RP1L1: variants seen among roughly 807,000 people sequenced by gnomAD.
The protein encoded by RP1L1 is RP1 like 1, also known as retinitis pigmentosa 1-like 1 protein.
A neutral mutation model predicts 15.7 loss-of-function variants in RP1L1; 27 were observed. The observed-to-expected ratio is 1.72, with a 90% CI of 1.27 to 2.38. RP1L1 has a LOEUF of 2.38. Ranked by LOEUF, RP1L1 falls within the 30% of genes most tolerant of loss-of-function variation. RP1L1 has a pLI of 0.00. For synonymous variants in RP1L1, 1,813 were observed against 1,276.7 expected, an observed-to-expected ratio of 1.42 and a Z score of -8.96; for missense variants, 4,798 against 3,075.9, an observed-to-expected ratio of 1.56 and a Z score of -13.24.
rs546877895 is a variant in RP1L1, at chr8:10,641,451, C to T, written c.-20+13447G>A. ...CATTTGTCACAGCAGCATAACCTTGCCTATCCACACAAATGCACACACAAA... is the reference window on the plus strand; with the variant it reads ...CATTTGTCACAGCAGCATAACCTTGTCTATCCACACAAATGCACACACAAA... On this transcript the variant is annotated intron_variant, in intron 1 of 3. Coordinates refer to ENST00000382483, the MANE Select transcript of RP1L1 (RefSeq NM_178857.6). 1.8e-4 allele frequency among the ~76,000 whole-genome samples: 27 copies of T among 152,302 alleles called. No individual in the cohort carries two copies. In the East Asian group the frequency reaches 1.9e-3, roughly 11 times the overall value.
intron 1 of RP1L1, among the ~76,000 whole-genome samples, chr8:10,643,706 G>C (rs1025062787): frequency 3.3e-5 from 5 of 152,096 alleles, no homozygotes; most frequent in African/African-American, 1.2e-4. Flanking sequence ...CCAGGAAAGA[G>C]AAGATCCTGG....
In RP1L1 at chr8:10,608,584, C is replaced by T. The variant is rs751359525; in HGVS notation, c.5514G>A (p.Pro1838=). 63 of 1,614,026 alleles carry T rather than the reference C, an allele frequency of 3.9e-5. 1 individual carries two copies. Among genetic ancestry groups the T allele is most frequent in the South Asian group, 3.8e-4 (35 of 91,068 alleles). The change falls in exon 4 of 4, where the codon CCG becomes CCA. Residue 1838 remains proline, a synonymous_variant. Coordinates refer to ENST00000382483, the MANE Select transcript of RP1L1 (RefSeq NM_178857.6). ...QSDGAEGIEA[P]EAEGEAQPES... is the part of the protein sequence containing the mutation. ...CTGGCTGGGCCTCCCCTTCAGCCTC[C>T]GGGGCCTCTATGCCTTCGGCCCCAT...
At position 10,607,983 on chromosome 8, in the gene RP1L1, C is replaced by T; in HGVS notation, c.6115G>A (p.Gly2039Arg). The T allele has an allele frequency of 6.2e-7, 1 of 1,613,108 alleles. No individual in the cohort carries two copies. The highest frequency in any genetic ancestry group is 8.5e-7 in the Non-Finnish European group (1 of 1,179,692). Reference protein sequence around the residue: ...SEGEEAQEVEGETQKTEGDAQ... With the variant: ...SEGEEAQEVERETQKTEGDAQ... Reference sequence around the variant, plus strand: ...TCCCCTTCTGTCTTCTGGGTCTCCCCTTCAACCTCCTGGGCCTCTTCACCT... The same window carrying T: ...TCCCCTTCTGTCTTCTGGGTCTCCCTTTCAACCTCCTGGGCCTCTTCACCT... The change falls in exon 4 of 4, where the codon GGG (glycine) becomes AGG (arginine). Residue 2039 changes from glycine to arginine, a missense_variant. Coordinates refer to ENST00000382483, the MANE Select transcript of RP1L1 (RefSeq NM_178857.6).
At chr8:10,652,501 A>G (rs900280853) in intron 1 of RP1L1, among the ~76,000 whole-genome samples, 5 of 152,162 alleles carry the variant, frequency 3.3e-5, no homozygotes, top group Admixed American at 2.0e-4. Flanking sequence ...GCTGGGTATA[A>G]CCAGCCCCGC....
chr8:10,617,510 G>GTTTGTT (rs991527964), intron 2 of RP1L1, among the ~76,000 whole-genome samples: 3 of 134,330 alleles, frequency 2.2e-5, no homozygotes, highest in South Asian at 2.4e-4. Flanking sequence ...GTAATTAGAA[G>GTTTGTT]TTTGTTTTTG....
rs372861090 is a variant in RP1L1 at position 10,611,784 on chromosome 8, A to T, written c.2314T>A (p.Ser772Thr). ...WAGDAGSRTCSPAPIPPHTSD... is the reference protein window; with the variant it reads ...WAGDAGSRTCTPAPIPPHTSD... ...GTGTGGGGAGGTATGGGGGCCGGCG[A>T]GCATGTCCTGGACCCCGCGTCCCCT... The change falls in exon 4 of 4, where the codon TCG becomes ACG. Residue 772 changes from serine to threonine, a missense_variant. Transcript: ENST00000382483. 6.2e-7 allele frequency: 1 copy of T among 1,613,494 alleles called. No individual in the cohort carries two copies. The highest frequency in any genetic ancestry group is 8.5e-7 in the Non-Finnish European group (1 of 1,180,012).
At chr8:10,633,079 C>T (rs1397352050) in intron 1 of RP1L1, among the ~76,000 whole-genome samples, 1 of 152,174 alleles carries the variant, frequency 6.6e-6, no homozygotes, top group East Asian at 1.9e-4. Context: ...TCTCTGCATC[C>T]AACAGCACGG....
In RP1L1 at chr8:10,613,197, C is replaced by G; in HGVS notation, c.901G>C (p.Gly301Arg). Residue 301 changes from glycine to arginine, a missense_variant, in exon 4 of 4, where the codon GGC becomes CGC. Gly to Arg is a moderately radical substitution (Grantham distance 125). Coordinates refer to ENST00000382483, the MANE Select transcript of RP1L1 (RefSeq NM_178857.6). ...RHPQDTPAQS[G>R]PLVAGDDMKK... ...ATGTCATCGCCAGCCACCAGCGGGC[C>G]CGACTGAGCTGGCGTGTCCTGAGGG... 1 of 1,613,604 alleles carries G rather than the reference C, an allele frequency of 6.2e-7. No homozygotes were observed. The highest frequency in any genetic ancestry group is 1.6e-4 in the Middle Eastern group (1 of 6,062).
chr8:10,621,639 G>A (rs1798060611), intron 2 of RP1L1: 3 of 451,694 alleles, frequency 6.6e-6, no homozygotes, highest in South Asian at 4.7e-5. Context: ...TGATATTTAT[G>A]AAGTATTGGT....
chr8:10,623,219 C>T lies in RP1L1; in HGVS notation c.-18G>A, dbSNP rs766349030. ...CTGTTCATGGTGTGGGGGCTCTGGC[C>T]GCTGTAACAGGGCAGAGGAAGAGGG... On this transcript the variant is annotated splice_region_variant and 5_prime_UTR_variant, in exon 2 of 4. Coordinates refer to ENST00000382483, the MANE Select transcript of RP1L1 (RefSeq NM_178857.6). 18 of 1,532,190 alleles carry T rather than the reference C, an allele frequency of 1.2e-5. No homozygotes were observed. The highest frequency in any genetic ancestry group is 1.1e-4 in the South Asian group (9 of 78,374). The allele number at this position is 1,532,190 out of a possible 1,614,324, so 94.9% of individuals were successfully genotyped here.
intron 1 of RP1L1, among the ~76,000 whole-genome samples, chr8:10,636,100 C>T (rs1343650943): frequency 6.6e-6 from 1 of 152,218 alleles, no homozygotes; most frequent in Middle Eastern, 3.2e-3. Flanking sequence ...GTTGCTTCAC[C>T]TCTCTGGACT....
In RP1L1 at chr8:10,609,379, C is replaced by A; in HGVS notation, c.4719G>T (p.Lys1573Asn). 6.2e-7 allele frequency: 1 copy of A among 1,612,582 alleles called. No homozygotes were observed. The highest frequency in any genetic ancestry group is 8.5e-7 in the Non-Finnish European group (1 of 1,179,934). ...GGCCCTGGAGCTTCTGGAGCTCTCT[C>A]TTGGTGCTGTCCTGGAGGCGTTGGG... ...DVAQRLQDST[K>N]RELQKLQGRA... Residue 1573 changes from lysine to asparagine, a missense_variant, in exon 4 of 4, where the codon AAG becomes AAT. By Grantham distance (94) the Lys-to-Asn change is moderately conservative (BLOSUM62 0). Coordinates refer to ENST00000382483, the MANE Select transcript of RP1L1 (RefSeq NM_178857.6).
intron 1 of RP1L1, among the ~76,000 whole-genome samples, chr8:10,635,262 C>T (rs1798311203): frequency 6.6e-6 from 1 of 152,064 alleles, no homozygotes; most frequent in African/African-American, 2.4e-5. Context: ...CCAACTGACC[C>T]GTTAGCCTCA....
chr8:10,630,859 A>G (rs941779701), intron 1 of RP1L1, among the ~76,000 whole-genome samples: 2 of 152,244 alleles, frequency 1.3e-5, no homozygotes, highest in Non-Finnish European at 2.9e-5. Flanking sequence ...TTAAGTCTAC[A>G]ACAGAGATTC....
At chr8:10,639,802 C>G (rs1407206660) in intron 1 of RP1L1, among the ~76,000 whole-genome samples, 1 of 152,150 alleles carries the variant, frequency 6.6e-6, no homozygotes, top group Non-Finnish European at 1.5e-5. Context: ...CCCCACACGA[C>G]AAATTTGAAA....
chr8:10,638,862 C>T (rs573641706), intron 1 of RP1L1, among the ~76,000 whole-genome samples: 8 of 152,190 alleles, frequency 5.3e-5, no homozygotes, highest in Admixed American at 1.3e-4. Context: ...CAAGCAAGCA[C>T]GGCCAGGCAT....
At chr8:10,621,530 T>G (rs570686180) in intron 2 of RP1L1, 2 of 348,706 alleles carry the variant, frequency 5.7e-6, no homozygotes, top group South Asian at 4.3e-5. Context: ...TTCGCCCTAT[T>G]GGCCAGGCTG....
Position 10,639,461 on chromosome 8 carries a change from C to G in RP1L1, c.-20+15437G>C, listed in dbSNP as rs553952216. ...AATCATAGCTCACTGCAGCCTCAAA[C>G]TCCTGGGCTCAAGCGATCCTTATGT... On this transcript the variant is annotated intron_variant, in intron 1 of 3. Coordinates refer to ENST00000382483, the MANE Select transcript of RP1L1 (RefSeq NM_178857.6). Among the ~76,000 whole-genome samples, 26 of 152,330 alleles carry G rather than the reference C, an allele frequency of 1.7e-4. No individual in the cohort carries two copies. In the South Asian group the frequency reaches 4.1e-3, roughly 24 times the overall value.
At chr8:10,617,383 A>G (rs1362030094) in intron 2 of RP1L1, among the ~76,000 whole-genome samples, 4 of 140,614 alleles carry the variant, frequency 2.8e-5, no homozygotes, top group Non-Finnish European at 6.1e-5. Flanking sequence ...TAAAATTATA[A>G]GGGTATGCTC....
Sources: gnomAD v4.1 joint callset for allele counts (sites outside exome capture counted in the v4.1 genomes callset) on GRCh38, gnomAD v4.1.1 for gene constraint, MANE v1.5 for transcripts, NCBI Gene and HGNC (gene_info 2026-07-23, HGNC 2026-07-21) for gene names.